Variants in ZNF185 observed in about 807,000 individuals in gnomAD.
The protein encoded by ZNF185 is zinc finger protein 185.
Under a neutral mutation model 58.6 loss-of-function variants are expected in ZNF185, and 56 were observed. That is an observed-to-expected ratio of 0.95 (90% CI 0.77 to 1.19). ZNF185 has a LOEUF of 1.19. Among genes scored for constraint, ZNF185 ranks in the 50% most tolerant of loss-of-function variants. ZNF185 has a pLI of 0.00. For missense variants in ZNF185, 627 were observed against 573.5 expected, an observed-to-expected ratio of 1.09 and a Z score of -0.95; for synonymous variants, 230 against 215.9, an observed-to-expected ratio of 1.07 and a Z score of -0.57.
At chrX:152,904,493 T>C in the ZNF185 span, among the ~76,000 whole-genome samples, 1 of 112,425 alleles carries the variant, frequency 8.9e-6, no homozygotes, top group South Asian at 3.6e-4. Flanking sequence ...AATGTCCTGA[T>C]TCACCAGACC....
chrX:152,921,192 G>A (rs782599889), intron 9 of ZNF185, among the ~76,000 whole-genome samples: 2 of 112,177 alleles, frequency 1.8e-5, no homozygotes, highest in South Asian at 7.4e-4. Flanking sequence ...AGAACGTCGG[G>A]ATACTCCAGC....
chrX:152,933,465 G>A (rs1212424297), intron 14 of ZNF185, among the ~76,000 whole-genome samples: 1 of 111,939 alleles, frequency 8.9e-6, no homozygotes, highest in Non-Finnish European at 1.9e-5. Flanking sequence ...TCAGGGAGAG[G>A]AAAAGCGGTA....
chrX:152,919,710 G>A (rs782121522), intron 7 of ZNF185, among the ~76,000 whole-genome samples: 1 of 112,583 alleles, frequency 8.9e-6, no homozygotes, highest in South Asian at 3.7e-4. Context: ...TATGCCTTTG[G>A]CTTGGGGCCT....
At chrX:152,947,241 G>C (rs1232612013) in intron 16 of ZNF185, among the ~76,000 whole-genome samples, 1 of 110,993 alleles carries the variant, frequency 9.0e-6, no homozygotes, top group African/African-American at 3.3e-5. Flanking sequence ...ACATTAGCCA[G>C]GTGTGGTGGC....
chrX:152,918,844 C>T, intron 6 of ZNF185, 139 bp from the exon 8 acceptor site: 1 of 461,470 alleles, frequency 2.2e-6, no homozygotes, highest in Non-Finnish European at 3.8e-6. Context: ...GAGAGCTGGT[C>T]TCAGGGAGGA....
chrX:152,898,934 C>T, the ZNF185 span, among the ~76,000 whole-genome samples: 6 of 112,514 alleles, frequency 5.3e-5, no homozygotes, highest in African/African-American at 1.9e-4. Flanking sequence ...GTGCTCCTGC[C>T]TGATCTGCCA....
intron 15 of ZNF185, among the ~76,000 whole-genome samples, chrX:152,943,333 A>G (rs182853000): frequency 8.9e-6 from 1 of 112,295 alleles, no homozygotes; most frequent in Admixed American, 9.4e-5. Context: ...AAGTGTGTAG[A>G]TTATGGTTGT....
the ZNF185 span, among the ~76,000 whole-genome samples, chrX:152,908,631 C>T: frequency 9.8e-5 from 11 of 112,793 alleles, no homozygotes; most frequent in South Asian, 4.0e-3. Context: ...TCTCCTCCCT[C>T]CAGCGGGTGA....
intron 16 of ZNF185, among the ~76,000 whole-genome samples, chrX:152,955,254 C>A (rs2048704423): frequency 8.9e-6 from 1 of 111,986 alleles, no homozygotes; most frequent in African/African-American, 3.2e-5. Flanking sequence ...TTAACAATTC[C>A]CCCTTTTTGG....
intron 8 of ZNF185, 89 bp downstream of exon 9, chrX:152,920,500 G>A: frequency 9.9e-7 from 1 of 1,011,418 alleles, no homozygotes; most frequent in Non-Finnish European, 1.4e-6. Flanking sequence ...AGGGTGGGTG[G>A]AGAGATCACC....
chrX:152,910,379 A>AT (rs1414971137), upstream of ZNF185, among the ~76,000 whole-genome samples: 1 of 111,969 alleles, frequency 8.9e-6, no homozygotes, highest in Non-Finnish European at 1.9e-5. Context: ...ATCTTTACAG[A>AT]TTTTTTCCCC....
chrX:152,955,064 C>T (rs1404012234), intron 16 of ZNF185, among the ~76,000 whole-genome samples: 1 of 111,772 alleles, frequency 8.9e-6, no homozygotes, highest in Admixed American at 9.5e-5. Context: ...ACAGTTTGAA[C>T]ACTCACCAGT....
At chrX:152,955,916 A>AT (rs2048776011) in intron 16 of ZNF185, among the ~76,000 whole-genome samples, 1 of 109,829 alleles carries the variant, frequency 9.1e-6, no homozygotes, top group Non-Finnish European at 1.9e-5. Flanking sequence ...AAAAAAAAAA[A>AT]ATATTTCCCC....
At chrX:152,927,233 G>A (rs1481536917) in intron 11 of ZNF185, among the ~76,000 whole-genome samples, 3 of 112,497 alleles carry the variant, frequency 2.7e-5, no homozygotes, top group Admixed American at 9.4e-5. Flanking sequence ...TGTCATCGTC[G>A]TTATCACGAG....
intron 17 of ZNF185, 35 bp from the exon 20 acceptor site, chrX:152,963,804 G>A (rs781934957): frequency 9.7e-5 from 114 of 1,178,327 alleles, no homozygotes; most frequent in Non-Finnish European, 1.3e-4. Context: ...CAGCTCCCAG[G>A]TTGACGTGCC....
intron 11 of ZNF185, among the ~76,000 whole-genome samples, chrX:152,926,977 G>A (rs782161995): frequency 1.8e-5 from 2 of 112,085 alleles, no homozygotes; most frequent in African/African-American, 3.2e-5. Flanking sequence ...CTCCCATCTC[G>A]GCCTCTGTCT....
At chrX:152,959,619 T>A in intron 16 of ZNF185, 80 bp from the exon 19 acceptor site, 1 of 1,068,592 alleles carries the variant, frequency 9.4e-7, no homozygotes, top group South Asian at 2.2e-5. Flanking sequence ...CCACGAGACA[T>A]GACAGCCAGC....
At chrX:152,921,705 A>G (rs988389563) in intron 9 of ZNF185, among the ~76,000 whole-genome samples, 18 of 111,191 alleles carry the variant, frequency 1.6e-4, no homozygotes, top group Admixed American at 7.6e-4. Flanking sequence ...GGGAGAAACC[A>G]TCCCAGGCCA....
At chrX:152,938,306 A>G (rs5969927) in intron 15 of ZNF185, 143 bp downstream of exon 17, 113,055 of 516,855 alleles carry the variant, frequency 0.22, 9,922 homozygotes, top group African/African-American at 0.31. Flanking sequence ...AGAAGCCCCA[A>G]CCAGAACCCT....
Sources: allele counts gnomAD v4.1 joint callset (sites outside exome capture counted in the v4.1 genomes callset), GRCh38; gene constraint gnomAD v4.1.1; transcripts MANE v1.5; gene names NCBI Gene and HGNC (gene_info 2026-07-23, HGNC 2026-07-21).